Variants in CLNK observed in about 807,000 individuals in gnomAD.
CLNK encodes cytokine dependent hematopoietic cell linker, also known as cytokine-dependent hematopoietic cell linker.
Under a neutral mutation model 68.6 loss-of-function variants are expected in CLNK, and 74 were observed. The observed-to-expected ratio is 1.08, with a 90% confidence interval of 0.89 to 1.31. The LOEUF (loss-of-function observed/expected upper bound fraction) is 1.31. CLNK is among the 50% of genes most tolerant of loss of function. The probability of loss-of-function intolerance (pLI) is 0.00; values close to 1 mark genes in which losing one functional copy is unlikely to be tolerated. For missense variants in CLNK, 553 were observed against 515.3 expected (o/e 1.07, Z -0.71); for synonymous variants, 198 against 172.2 (o/e 1.15, Z -1.17).
At chr4:10,650,942 TG>T (rs1560262616) in intron 2 of CLNK, among the ~76,000 whole-genome samples, 1 of 151,898 alleles carries the variant, frequency 6.6e-6, no homozygotes, top group Non-Finnish European at 1.5e-5. Flanking sequence ...TCAACAAACA[TG>T]AAAAAAACCT....
the CLNK span, among the ~76,000 whole-genome samples, chr4:10,705,527 C>G: frequency 6.6e-6 from 1 of 152,200 alleles, no homozygotes; most frequent in Non-Finnish European, 1.5e-5. Flanking sequence ...CTTCTAGAGG[C>G]TGCCCTTGTT....
At chr4:10,539,439 T>C (rs2108807539) in intron 11 of CLNK, among the ~76,000 whole-genome samples, 1 of 152,334 alleles carries the variant, frequency 6.6e-6, no homozygotes, top group South Asian at 2.1e-4. Context: ...TGAGAAATGC[T>C]TTCTCACTAA....
chr4:10,676,282 T>C (rs1017965362), intron 1 of CLNK, among the ~76,000 whole-genome samples: 4 of 152,172 alleles, frequency 2.6e-5, no homozygotes, highest in African/African-American at 9.6e-5. Flanking sequence ...TTTCTAATTC[T>C]ATACCCCAGT....
chr4:10,705,492 C>T, the CLNK span, among the ~76,000 whole-genome samples: 1 of 152,126 alleles, frequency 6.6e-6, no homozygotes. Context: ...GCTCCAGGGT[C>T]CAATTCCTTT....
At chr4:10,566,256 T>C in intron 5 of CLNK, 106 bp from the exon 6 acceptor site, 1 of 1,073,962 alleles carries the variant, frequency 9.3e-7, no homozygotes, top group Non-Finnish European at 1.3e-6. Context: ...TAGCTGCAAG[T>C]TAAATATTTA....
intron 13 of CLNK, among the ~76,000 whole-genome samples, chr4:10,526,985 C>T (rs181011509): frequency 2.0e-5 from 3 of 152,320 alleles, no homozygotes; most frequent in East Asian, 3.9e-4. Flanking sequence ...TTGCTCTGTA[C>T]TCTGCCCAAG....
chr4:10,604,022 G>T (rs147915725), intron 2 of CLNK, among the ~76,000 whole-genome samples: 1 of 152,180 alleles, frequency 6.6e-6, no homozygotes, highest in Non-Finnish European at 1.5e-5. Flanking sequence ...AGGTGTCCCC[G>T]GGGAGCGAGT....
chr4:10,626,921 A>G (rs888575699), intron 2 of CLNK, among the ~76,000 whole-genome samples: 9 of 151,892 alleles, frequency 5.9e-5, no homozygotes, highest in Non-Finnish European at 1.3e-4. Flanking sequence ...CAGTTTCTTC[A>G]CCTGTAAAAC....
the CLNK span, among the ~76,000 whole-genome samples, chr4:10,693,123 T>C: frequency 6.6e-6 from 1 of 152,204 alleles, no homozygotes; most frequent in African/African-American, 2.4e-5. Flanking sequence ...GCTGTTTTAT[T>C]TGGTTATCCT....
At chr4:10,728,957 G>A in the CLNK span, among the ~76,000 whole-genome samples, 3 of 151,982 alleles carry the variant, frequency 2.0e-5, no homozygotes, top group African/African-American at 7.3e-5. Flanking sequence ...ATGTTTAAAC[G>A]TATCCAAGTT....
chr4:10,583,720 T>C (rs1338066010), intron 4 of CLNK, among the ~76,000 whole-genome samples: 1 of 152,240 alleles, frequency 6.6e-6, no homozygotes, highest in Admixed American at 6.5e-5. Context: ...GGTTTCGATT[T>C]GTTTTCTTTT....
chr4:10,501,466 G>A, intron 17 of CLNK, 55 bp from the exon 18 acceptor site: 1 of 1,542,392 alleles, frequency 6.5e-7, no homozygotes, highest in Non-Finnish European at 8.8e-7. Context: ...TTCTGCCCTT[G>A]TAATGGTGGC....
intron 2 of CLNK, among the ~76,000 whole-genome samples, chr4:10,638,700 C>G (rs899732658): frequency 6.6e-6 from 1 of 152,158 alleles, no homozygotes; most frequent in Admixed American, 6.5e-5. Flanking sequence ...AGAGATTTAT[C>G]AAATAAACAC....
intron 15 of CLNK, among the ~76,000 whole-genome samples, chr4:10,516,547 G>A (rs1233671992): frequency 9.6e-6 from 1 of 104,178 alleles, no homozygotes; most frequent in East Asian, 3.0e-4. Flanking sequence ...ACCAAGGATT[G>A]TAGCTTTTTT....
At chr4:10,641,340 G>A (rs2108875699) in intron 2 of CLNK, among the ~76,000 whole-genome samples, 1 of 152,280 alleles carries the variant, frequency 6.6e-6, no homozygotes, top group South Asian at 2.1e-4. Flanking sequence ...GACAGCAGGT[G>A]GTTCCCATCA....
At chr4:10,577,894 G>A (rs1720628633) in intron 4 of CLNK, among the ~76,000 whole-genome samples, 1 of 152,128 alleles carries the variant, frequency 6.6e-6, no homozygotes, top group Admixed American at 6.5e-5. Context: ...TAACATAGCA[G>A]AGCAGCTGAT....
At chr4:10,668,350 T>C (rs890130610) in intron 1 of CLNK, among the ~76,000 whole-genome samples, 1 of 152,218 alleles carries the variant, frequency 6.6e-6, no homozygotes, top group Non-Finnish European at 1.5e-5. Flanking sequence ...TTACGTAGAA[T>C]GCAACATTTT....
chr4:10,520,705 G>T, intron 15 of CLNK, 86 bp downstream of exon 15: 1 of 945,222 alleles, frequency 1.1e-6, no homozygotes. Flanking sequence ...AGTGGCTCTG[G>T]GGTTCACAAC....
At chr4:10,615,304 A>T (rs1722186342) in intron 2 of CLNK, among the ~76,000 whole-genome samples, 1 of 152,214 alleles carries the variant, frequency 6.6e-6, no homozygotes, top group Admixed American at 6.5e-5. Context: ...ACATGGCAAA[A>T]CCCTGTCTCT....
Sources: allele counts gnomAD v4.1 joint callset (sites outside exome capture counted in the v4.1 genomes callset), GRCh38; gene constraint gnomAD v4.1.1; transcripts MANE v1.5; gene names NCBI Gene and HGNC (gene_info 2026-07-23, HGNC 2026-07-21).